Variants in GABRG1 observed in about 807,000 individuals in gnomAD.
The protein encoded by GABRG1 is gamma-aminobutyric acid type A receptor subunit gamma1.
In GABRG1, 49 loss-of-function variants were observed where a neutral mutation model predicts 49.8. That is an observed-to-expected ratio of 0.98 (90% CI 0.78 to 1.25). The LOEUF is 1.25. Among genes scored for constraint, GABRG1 ranks in the 50% most tolerant of loss-of-function variants. GABRG1 has a pLI of 0.00. For synonymous variants in GABRG1, 232 were observed against 185.1 expected, an observed-to-expected ratio of 1.25 and a Z score of -2.06; for missense variants, 552 against 552.3, an observed-to-expected ratio of 1.00 and a Z score of 0.01.
chr4:46,114,445 G>A (rs1027152768), intron 1 of GABRG1, among the ~76,000 whole-genome samples: 1 of 150,894 alleles, frequency 6.6e-6, no homozygotes, highest in African/African-American at 2.4e-5. Context: ...AATCTGTCCT[G>A]TGGTTAACTC....
At chr4:46,042,997 A>G (rs1470162002) in intron 8 of GABRG1, among the ~76,000 whole-genome samples, 1 of 151,950 alleles carries the variant, frequency 6.6e-6, no homozygotes, top group African/African-American at 2.4e-5. Flanking sequence ...ATGGAGCACT[A>G]AAATCATGTA....
rs1040371271 is a variant in GABRG1 at position 46,106,856 on chromosome 4, T to C, written c.105-9507A>G. On this transcript the variant is annotated intron_variant, in intron 1 of 8. Transcript: ENST00000295452. The stretch of plus-strand genomic sequence containing the variant: ...ATCATGAGTGAGGAAGAATCTGTCA[T>C]GCATGGTCACCTAATTCATCTTTCC... Among the ~76,000 whole-genome samples, 8 of 151,312 alleles carry C rather than the reference T, an allele frequency of 5.3e-5. No homozygotes were observed. In the South Asian group the frequency reaches 1.7e-3, roughly 31 times the overall value.
intron 1 of GABRG1, among the ~76,000 whole-genome samples, chr4:46,101,049 G>A (rs1275954163): frequency 6.6e-6 from 1 of 151,438 alleles, no homozygotes; most frequent in Non-Finnish European, 1.5e-5. Context: ...TGTGTTTCAT[G>A]TCCTGATGTT....
chr4:46,119,804 T>A (rs1173795028), intron 1 of GABRG1, among the ~76,000 whole-genome samples: 1 of 151,564 alleles, frequency 6.6e-6, no homozygotes, highest in South Asian at 2.1e-4. Context: ...GTCTTAGCCA[T>A]GAATAAGCAT....
intron 1 of GABRG1, among the ~76,000 whole-genome samples, chr4:46,097,731 A>T (rs2109431688): frequency 6.6e-6 from 1 of 151,806 alleles, no homozygotes; most frequent in East Asian, 2.0e-4. Context: ...AAAAATTAAA[A>T]GGTAAAGAAT....
intron 3 of GABRG1, among the ~76,000 whole-genome samples, chr4:46,076,105 A>G (rs565999251): frequency 2.0e-5 from 3 of 151,886 alleles, no homozygotes; most frequent in Non-Finnish European, 4.4e-5. Flanking sequence ...AATCCTATAA[A>G]TTAAAAAATC....
chr4:46,068,611 C>G (rs573788783), intron 3 of GABRG1, among the ~76,000 whole-genome samples: 77 of 152,142 alleles, frequency 5.1e-4, no homozygotes, highest in Non-Finnish European at 1.0e-3. Flanking sequence ...CATCCCAAGC[C>G]CTTTGCAGAA....
Position 46,041,262 on chromosome 4 carries a change from C to G in GABRG1, c.1132-8G>C. 2 of 1,606,130 alleles carry G rather than the reference C, an allele frequency of 1.2e-6. No individual in the cohort carries two copies. The highest frequency in any genetic ancestry group is 2.2e-5 in the South Asian group (2 of 90,378). On this transcript the variant is annotated splice_polypyrimidine_tract_variant and splice_region_variant and intron_variant, in intron 8 of 8. Transcript: ENST00000295452. ...ATGGAGACCAGGAGTCATCTGAGCA[C>G]AATAATAAATGAATTTTTGACATCA... is the stretch of plus-strand genomic sequence containing the variant.
chr4:46,098,382 AC>A (rs1720259579), intron 1 of GABRG1, among the ~76,000 whole-genome samples: 1 of 151,914 alleles, frequency 6.6e-6, no homozygotes, highest in East Asian at 2.0e-4. Context: ...GGTCCAAAAA[AC>A]TAAACACTAA....
Position 46,065,568 on chromosome 4 carries a change from A to G in GABRG1, c.338T>C (p.Ile113Thr). 1 of 1,480,470 alleles carries G rather than the reference A, an allele frequency of 6.8e-7. No homozygotes were observed. Among genetic ancestry groups the G allele is most frequent in the Non-Finnish European group, 9.4e-7 (1 of 1,060,328 alleles). 91.7% of individuals were successfully genotyped at this position (1,480,470 alleles called of 1,614,324 possible). ...DPINMEYTID[I>T]IFAQTWFDSR... ...GTCAAACCAGGTTTGGGCAAAAATT[A>G]TATCTATTGTATATTCCTAAAATAT... The change falls in exon 4 of 9, where the codon ATA becomes ACA. Residue 113 changes from isoleucine (I) to threonine (T), a missense_variant. Ile to Thr is a moderately conservative substitution (Grantham distance 89). Transcript: ENST00000295452.
At chr4:46,059,388 T>G (rs1403353528) in intron 5 of GABRG1, among the ~76,000 whole-genome samples, 1 of 151,802 alleles carries the variant, frequency 6.6e-6, no homozygotes, top group Non-Finnish European at 1.5e-5. Flanking sequence ...TACTAACATA[T>G]TCTCCTTTTT....
At chr4:46,115,628 G>C (rs950280815) in intron 1 of GABRG1, among the ~76,000 whole-genome samples, 1 of 150,726 alleles carries the variant, frequency 6.6e-6, no homozygotes, top group Non-Finnish European at 1.5e-5. Flanking sequence ...GTGAAAAAAT[G>C]ATTTAGGAGA....
At chr4:46,091,411 A>G (rs1206162456) in intron 2 of GABRG1, among the ~76,000 whole-genome samples, 1 of 152,092 alleles carries the variant, frequency 6.6e-6, no homozygotes, top group Non-Finnish European at 1.5e-5. Flanking sequence ...CATGAAATAC[A>G]ACCACATAAC....
At chr4:46,052,025 T>C (rs1540741) in intron 7 of GABRG1, among the ~76,000 whole-genome samples, 76,672 of 151,576 alleles carry the variant, frequency 0.51, 19,979 homozygotes, top group African/African-American at 0.63. Context: ...GTAGGCAACA[T>C]ACAATATCCT....
At chr4:46,061,787 A>G (rs574931121) in intron 5 of GABRG1, among the ~76,000 whole-genome samples, 1 of 151,094 alleles carries the variant, frequency 6.6e-6, no homozygotes, top group African/African-American at 2.4e-5. Context: ...ATTGAGCAAT[A>G]TAGAAATAGC....
At chr4:46,056,864 C>A (rs147845510) in intron 7 of GABRG1, among the ~76,000 whole-genome samples, 1 of 152,030 alleles carries the variant, frequency 6.6e-6, no homozygotes, top group Non-Finnish European at 1.5e-5. Flanking sequence ...GCTGTGCTTA[C>A]CTTTATGATT....
At chr4:46,051,314 G>A in intron 8 of GABRG1, 110 bp downstream of exon 8, 2 of 763,096 alleles carry the variant, frequency 2.6e-6, no homozygotes, top group Middle Eastern at 3.9e-4. Flanking sequence ...TTTGTCTTTG[G>A]TTATGGGTCT....
chr4:46,040,882 C>G lies in GABRG1; in HGVS notation c.*106G>C, dbSNP rs1717743829. On this transcript the variant is annotated 3_prime_UTR_variant, in exon 9 of 9. Transcript: ENST00000295452. ...AGTTACAATACTATTCACATTTTAACCATTGGTCTCTCTGCATTTTAAATT... is the reference window on the plus strand; with the variant it reads ...AGTTACAATACTATTCACATTTTAAGCATTGGTCTCTCTGCATTTTAAATT... 1.1e-5 allele frequency: 12 copies of G among 1,133,156 alleles called. No individual in the cohort carries two copies. Among genetic ancestry groups the G allele is most frequent in the Non-Finnish European group, 1.5e-5 (12 of 793,104 alleles). The allele number at this position is 1,133,156 out of a possible 1,614,324, so 70.2% of individuals were successfully genotyped here.
At chr4:46,117,741 CACATATACATACATGTATAT>C (rs1553884407) in intron 1 of GABRG1, among the ~76,000 whole-genome samples, 2 of 141,908 alleles carry the variant, frequency 1.4e-5, no homozygotes, top group Admixed American at 7.2e-5. Context: ...TATACATATA[CACATATACATACATGTATAT>C]ACATATACAT....
Sources: allele counts gnomAD v4.1 joint callset (sites outside exome capture counted in the v4.1 genomes callset), GRCh38; gene constraint gnomAD v4.1.1; transcripts MANE v1.5; gene names NCBI Gene and HGNC (gene_info 2026-07-23, HGNC 2026-07-21).